The following PCOLCE2 variants were observed in gnomAD, a reference collection of about 807,000 sequenced individuals.
PCOLCE2 encodes the protein procollagen C-proteinase enhancer 2.
A neutral mutation model predicts 47.0 loss-of-function variants in PCOLCE2; 42 were observed. The observed-to-expected ratio is 0.89, with a 90% CI of 0.70 to 1.16. PCOLCE2 has a LOEUF of 1.16. Among genes scored for constraint, PCOLCE2 ranks in the 50% most tolerant of loss-of-function variants. The pLI is 0.00. For synonymous variants in PCOLCE2, 169 were observed against 191.7 expected (o/e 0.88, Z 0.98); for missense variants, 500 against 526.1 (o/e 0.95, Z 0.49).
At chr3:142,883,495 C>G (rs1348353579) in intron 2 of PCOLCE2, among the ~76,000 whole-genome samples, 1 of 151,846 alleles carries the variant, frequency 6.6e-6, no homozygotes, top group Non-Finnish European at 1.5e-5. Context: ...TCTCGGCTCA[C>G]TGCAACCTCT....
chr3:142,858,750 T>TGC (rs35861626), intron 2 of PCOLCE2, among the ~76,000 whole-genome samples: 35,065 of 151,954 alleles, frequency 0.23, 4,907 homozygotes, highest in Non-Finnish European at 0.32. Flanking sequence ...TGTGTGTGTG[T>TGC]GTGTAAGAGA....
At chr3:142,846,692 T>A (rs1553815032) in intron 3 of PCOLCE2, 1 of 152,256 alleles carries the variant, frequency 6.6e-6, no homozygotes, top group Non-Finnish European at 1.5e-5. Flanking sequence ...TCAGATTGAG[T>A]AATTTCTATT....
At chr3:142,850,552 G>A (rs762192020) in intron 2 of PCOLCE2, among the ~76,000 whole-genome samples, 2 of 152,172 alleles carry the variant, frequency 1.3e-5, no homozygotes, top group Admixed American at 6.5e-5. Context: ...GAAGCCAGGC[G>A]AAGAGAGTAT....
chr3:142,845,735 A>G (rs1937320285), intron 3 of PCOLCE2, among the ~76,000 whole-genome samples: 1 of 152,160 alleles, frequency 6.6e-6, no homozygotes, highest in South Asian at 2.1e-4. Flanking sequence ...ACACTTTGGG[A>G]GGCCGAGGTG....
At position 142,829,559 on chromosome 3, in the gene PCOLCE2, T is replaced by C. The variant is rs532407358; in HGVS notation, c.865+133A>G. 9.3e-6 allele frequency: 6 copies of C among 642,738 alleles called. No homozygotes were observed. In the South Asian group the frequency reaches 1.8e-4, roughly 19 times the overall value. 39.8% of individuals were successfully genotyped at this position (642,738 alleles called of 1,614,324 possible). A position where few individuals can be genotyped will look rare whatever the true frequency, so the allele number is the denominator to read the frequency against. On this transcript the variant is annotated intron_variant, in intron 6 of 8. Transcript: ENST00000295992. ...CTTTCTTTCATTAATGCAGTCATAT[T>C]ATTCTCTTACCAAAGCTTTCATCCT... is the stretch of plus-strand genomic sequence containing the variant.
intron 2 of PCOLCE2, among the ~76,000 whole-genome samples, chr3:142,872,825 TATC>T (rs1933420538): frequency 1.3e-5 from 2 of 152,204 alleles, no homozygotes; most frequent in Non-Finnish European, 2.9e-5. Context: ...CAGAGCCAAG[TATC>T]ATCATCAAAA....
At chr3:142,874,606 A>G (rs974494925) in intron 2 of PCOLCE2, among the ~76,000 whole-genome samples, 4 of 152,230 alleles carry the variant, frequency 2.6e-5, no homozygotes, top group Admixed American at 2.6e-4. Flanking sequence ...AATCTTTGGA[A>G]ACAAGTTGAT....
At chr3:142,860,829 G>C in intron 2 of PCOLCE2, among the ~76,000 whole-genome samples, 1 of 152,142 alleles carries the variant, frequency 6.6e-6, no homozygotes, top group Non-Finnish European at 1.5e-5. Context: ...ACCCATTCTG[G>C]AGCTCTCCTT....
At chr3:142,821,085 G>C in intron 7 of PCOLCE2, 40 bp from the exon 8 acceptor site, 1 of 1,446,452 alleles carries the variant, frequency 6.9e-7, no homozygotes, top group East Asian at 2.3e-5. Context: ...GACAGTGAAG[G>C]CAAATGCAAG....
intron 2 of PCOLCE2, among the ~76,000 whole-genome samples, chr3:142,851,574 C>T (rs1258013598): frequency 6.6e-6 from 1 of 151,984 alleles, no homozygotes; most frequent in Non-Finnish European, 1.5e-5. Context: ...GGAGTAAGGA[C>T]AAAATAACAG....
intron 2 of PCOLCE2, among the ~76,000 whole-genome samples, chr3:142,882,334 C>G (rs1393637218): frequency 6.6e-6 from 1 of 152,104 alleles, no homozygotes. Flanking sequence ...GTGTGAGCCA[C>G]CAGGCCTGGC....
At chr3:142,849,470 T>C (rs756265965) in intron 2 of PCOLCE2, among the ~76,000 whole-genome samples, 29 of 152,170 alleles carry the variant, frequency 1.9e-4, no homozygotes, top group Non-Finnish European at 3.5e-4. Context: ...CATTTTATCA[T>C]AATATTTTAT....
At chr3:142,868,067 C>G (rs1933316858) in intron 2 of PCOLCE2, among the ~76,000 whole-genome samples, 1 of 152,122 alleles carries the variant, frequency 6.6e-6, no homozygotes. Context: ...AATGATAATT[C>G]TTTTGTTTCT....
intron 5 of PCOLCE2, 35 bp from the exon 6 acceptor site, chr3:142,829,881 T>G: frequency 1.6e-6 from 2 of 1,261,960 alleles, no homozygotes; most frequent in Non-Finnish European, 1.1e-6. Context: ...TTATAAATAC[T>G]TAAAAGTGGT....
intron 5 of PCOLCE2, among the ~76,000 whole-genome samples, chr3:142,833,385 T>C (rs1937171732): frequency 6.6e-6 from 1 of 152,096 alleles, no homozygotes; most frequent in Non-Finnish European, 1.5e-5. Flanking sequence ...GATTTCCACA[T>C]TGCCCAGGCT....
At chr3:142,864,716 T>C (rs1360016061) in intron 2 of PCOLCE2, among the ~76,000 whole-genome samples, 1 of 152,204 alleles carries the variant, frequency 6.6e-6, no homozygotes, top group African/African-American at 2.4e-5. Context: ...TTCCTGTCTC[T>C]ATAGACTTGC....
intron 5 of PCOLCE2, among the ~76,000 whole-genome samples, chr3:142,835,021 G>A (rs1278552425): frequency 6.6e-6 from 1 of 150,494 alleles, no homozygotes; most frequent in Non-Finnish European, 1.5e-5. Context: ...GTCCATTTTT[G>A]CTTGAAAAAA....
At chr3:142,833,451 G>A (rs1937172288) in intron 5 of PCOLCE2, among the ~76,000 whole-genome samples, 2 of 151,506 alleles carry the variant, frequency 1.3e-5, no homozygotes, top group South Asian at 4.2e-4. Flanking sequence ...CAAAGTGCTG[G>A]GATTACAGGC....
chr3:142,853,129 A>G (rs1390296616), intron 2 of PCOLCE2, among the ~76,000 whole-genome samples: 1 of 151,260 alleles, frequency 6.6e-6, no homozygotes, highest in African/African-American at 2.4e-5. Context: ...GGAAAATGGG[A>G]TAATGTTTAC....
Sources: allele counts gnomAD v4.1 joint callset (sites outside exome capture counted in the v4.1 genomes callset), GRCh38; gene constraint gnomAD v4.1.1; transcripts MANE v1.5; gene names NCBI Gene and HGNC (gene_info 2026-07-23, HGNC 2026-07-21).